Variants in GOLIM4 observed in about 807,000 individuals in gnomAD.
GOLIM4 encodes the protein golgi integral membrane protein 4.
In GOLIM4, 71 loss-of-function variants were observed where a neutral mutation model predicts 107.4. That is an observed-to-expected ratio of 0.66 (90% CI 0.55 to 0.81). GOLIM4 has a LOEUF of 0.81. GOLIM4 is among the 30% of genes least tolerant of loss of function. The pLI is 0.00. For missense variants in GOLIM4, 830 were observed against 826.1 expected (o/e 1.00, Z -0.06); for synonymous variants, 327 against 294.8 (o/e 1.11, Z -1.12).
chr3:168,062,982 C>A (rs1231533294), intron 1 of GOLIM4, among the ~76,000 whole-genome samples: 5 of 152,170 alleles, frequency 3.3e-5, no homozygotes, highest in African/African-American at 1.2e-4. Flanking sequence ...AAGATCAAAA[C>A]AGAAGCTTAG....
At chr3:168,033,468 G>A (rs955440286) in intron 8 of GOLIM4, among the ~76,000 whole-genome samples, 7 of 151,554 alleles carry the variant, frequency 4.6e-5, no homozygotes, top group East Asian at 3.9e-4. Flanking sequence ...TTAGCCGGGC[G>A]TGGTGGCGGG....
chr3:168,062,683 T>C (rs1417069788), intron 1 of GOLIM4, among the ~76,000 whole-genome samples: 3 of 152,142 alleles, frequency 2.0e-5, no homozygotes, highest in Non-Finnish European at 1.5e-5. Context: ...GACTCCCTCT[T>C]CTCTGAGGAG....
chr3:168,057,241 G>GTTCA (rs1460618794), intron 1 of GOLIM4, among the ~76,000 whole-genome samples: 2 of 152,182 alleles, frequency 1.3e-5, no homozygotes, highest in Non-Finnish European at 2.9e-5. Flanking sequence ...TTGTGGAACT[G>GTTCA]TAAGTCCAAT....
At chr3:168,087,282 C>T (rs1164079010) in intron 1 of GOLIM4, among the ~76,000 whole-genome samples, 1 of 152,006 alleles carries the variant, frequency 6.6e-6, no homozygotes, top group Non-Finnish European at 1.5e-5. Context: ...AAATTAAATA[C>T]AATAATACAA....
intron 7 of GOLIM4, among the ~76,000 whole-genome samples, chr3:168,039,905 T>C (rs1718882741): frequency 6.6e-6 from 1 of 152,220 alleles, no homozygotes; most frequent in African/African-American, 2.4e-5. Context: ...AATGACTGTT[T>C]AGAAAAGGAA....
At position 168,012,451 on chromosome 3, in the gene GOLIM4, T is replaced by C. The variant is rs370635270; in HGVS notation, c.1861-1628A>G. Reference sequence around the variant, plus strand: ...AAGTGATGGGGAGAATGGAACCAAGTTGGAAAACACTCTGCAGGATATTAT... The same window carrying C: ...AAGTGATGGGGAGAATGGAACCAAGCTGGAAAACACTCTGCAGGATATTAT... On this transcript the variant is annotated intron_variant, in intron 14 of 15. Coordinates refer to ENST00000470487, the MANE Select transcript of GOLIM4 (RefSeq NM_014498.5). Among the ~76,000 whole-genome samples, 224 of 147,140 alleles carry C rather than the reference T, an allele frequency of 1.5e-3. No homozygotes were observed. In the East Asian group the frequency reaches 0.017, roughly 11 times the overall value.
chr3:168,021,873 T>G (rs1717707892), intron 14 of GOLIM4, among the ~76,000 whole-genome samples: 1 of 152,164 alleles, frequency 6.6e-6, no homozygotes, highest in African/African-American at 2.4e-5. Context: ...TCATTTAATC[T>G]ATATATTTTT....
intron 1 of GOLIM4, among the ~76,000 whole-genome samples, chr3:168,057,874 ACTTGGAAGAGATTTCATTCT>A (rs1220857590): frequency 6.6e-6 from 1 of 152,202 alleles, no homozygotes; most frequent in African/African-American, 2.4e-5. Flanking sequence ...GATTGAATGC[ACTTGGAAGAGATTTCATTCT>A]CTTCCACCTT....
chr3:168,028,134 A>T (rs1718111521), intron 11 of GOLIM4, among the ~76,000 whole-genome samples: 1 of 152,200 alleles, frequency 6.6e-6, no homozygotes, highest in Non-Finnish European at 1.5e-5. Context: ...CTCTCTCAAT[A>T]AAAGAAAGCC....
intron 1 of GOLIM4, among the ~76,000 whole-genome samples, chr3:168,049,686 G>C (rs1372838093): frequency 5.3e-5 from 8 of 152,150 alleles, no homozygotes; most frequent in African/African-American, 1.4e-4. Flanking sequence ...AAAGTCATCA[G>C]GGTCCCAGAA....
At chr3:168,015,169 G>A (rs1717291463) in intron 14 of GOLIM4, among the ~76,000 whole-genome samples, 1 of 144,370 alleles carries the variant, frequency 6.9e-6, no homozygotes, top group African/African-American at 2.7e-5. Flanking sequence ...ATCTCCTTAA[G>A]CTGATAAGCA....
chr3:168,047,613 G>A (rs551474396), intron 2 of GOLIM4, among the ~76,000 whole-genome samples: 1 of 152,134 alleles, frequency 6.6e-6, no homozygotes, highest in Non-Finnish European at 1.5e-5. Flanking sequence ...AAGGTAGGCA[G>A]ACAGAACACG....
chr3:168,038,443 G>C (rs1718782645), intron 7 of GOLIM4, among the ~76,000 whole-genome samples: 1 of 152,170 alleles, frequency 6.6e-6, no homozygotes, highest in Admixed American at 6.5e-5. Flanking sequence ...CAAGGCCCAG[G>C]TACCTGTGAT....
At chr3:168,014,137 C>T (rs1300446652) in intron 14 of GOLIM4, among the ~76,000 whole-genome samples, 16 of 143,598 alleles carry the variant, frequency 1.1e-4, no homozygotes, top group South Asian at 4.3e-4. Flanking sequence ...ATTGATAGAC[C>T]GCTAGCAAGA....
chr3:168,040,878 A>G lies in GOLIM4; in HGVS notation c.601-9T>C, dbSNP rs1276539929. ...AAATTCTTATGCTGTTGCTACACAAAAAAGAATTTTACATGTTGAGCTTTA... is the reference window on the plus strand; with the variant it reads ...AAATTCTTATGCTGTTGCTACACAAGAAAGAATTTTACATGTTGAGCTTTA... On this transcript the variant is annotated splice_polypyrimidine_tract_variant and intron_variant, in intron 6 of 15. Coordinates refer to ENST00000470487, the MANE Select transcript of GOLIM4 (RefSeq NM_014498.5). 6.3e-7 allele frequency: 1 copy of G among 1,592,932 alleles called. No homozygotes were observed.
chr3:168,051,245 A>G (rs574109314), intron 1 of GOLIM4, among the ~76,000 whole-genome samples: 7 of 152,036 alleles, frequency 4.6e-5, no homozygotes, highest in Non-Finnish European at 8.8e-5. Flanking sequence ...GCAGGATGGT[A>G]TTCCATTCTT....
At chr3:168,018,931 C>T (rs1717526332) in intron 14 of GOLIM4, among the ~76,000 whole-genome samples, 1 of 150,442 alleles carries the variant, frequency 6.6e-6, no homozygotes, top group African/African-American at 2.5e-5. Flanking sequence ...AATACTTAGG[C>T]TTTCTTAGCC....
chr3:168,094,161 G>C (rs1287003168), intron 1 of GOLIM4, among the ~76,000 whole-genome samples: 1 of 152,180 alleles, frequency 6.6e-6, no homozygotes, highest in African/African-American at 2.4e-5. Flanking sequence ...AGAGGACATG[G>C]TGCTGACTTT....
At chr3:168,095,064 T>G (rs369691653) in intron 1 of GOLIM4, 35 bp downstream of exon 1, 2 of 1,548,686 alleles carry the variant, frequency 1.3e-6, no homozygotes, top group South Asian at 2.3e-5. Context: ...CGGGGCAAAG[T>G]TGGCCACCGG....
Sources: allele counts gnomAD v4.1 joint callset (sites outside exome capture counted in the v4.1 genomes callset), GRCh38; gene constraint gnomAD v4.1.1; transcripts MANE v1.5; gene names NCBI Gene and HGNC (gene_info 2026-07-23, HGNC 2026-07-21).